The following GFOD1 variants were observed in gnomAD, a reference collection of about 807,000 sequenced individuals.
The protein encoded by GFOD1 is glucose-fructose oxidoreductase domain-containing protein 1.
A neutral mutation model predicts 25.4 loss-of-function variants in GFOD1; 9 were observed. The observed-to-expected ratio is 0.35, with a 90% confidence interval of 0.21 to 0.62. The LOEUF (loss-of-function observed/expected upper bound fraction) is 0.62, where lower values mean the gene tolerates loss of function less well. GFOD1 is among the 20% of genes least tolerant of loss of function. The pLI is 0.72. For synonymous variants in GFOD1, 253 were observed against 245.6 expected (o/e 1.03, Z -0.28); for missense variants, 403 against 556.9 (o/e 0.72, Z 2.78).
intron 1 of GFOD1, among the ~76,000 whole-genome samples, chr6:13,446,244 T>C (rs1758000124): frequency 6.6e-6 from 1 of 152,122 alleles, no homozygotes; most frequent in South Asian, 2.1e-4. Context: ...TGGAATTTGT[T>C]TCAAATCACC....
chr6:13,471,832 C>T (rs1342194967), intron 1 of GFOD1: 1 of 152,372 alleles, frequency 6.6e-6, no homozygotes, highest in African/African-American at 2.4e-5. Flanking sequence ...TTGCATGGTC[C>T]AATATGGTAG....
intron 1 of GFOD1, among the ~76,000 whole-genome samples, chr6:13,388,469 A>G (rs1785518752): frequency 6.6e-6 from 1 of 152,208 alleles, no homozygotes; most frequent in African/African-American, 2.4e-5. Context: ...CACATCTACG[A>G]CCATCTGATC....
chr6:13,443,858 C>T (rs935970388), intron 1 of GFOD1, among the ~76,000 whole-genome samples: 9 of 151,214 alleles, frequency 6.0e-5, no homozygotes, highest in African/African-American at 1.7e-4. Flanking sequence ...CTACCCCAAC[C>T]TTCAGCAACC....
At chr6:13,450,884 G>A (rs1384583504) in intron 1 of GFOD1, among the ~76,000 whole-genome samples, 2 of 152,204 alleles carry the variant, frequency 1.3e-5, no homozygotes. Context: ...GGTCAACTTT[G>A]CAGGCAGGCC....
At chr6:13,463,978 T>C (rs1269059243) in intron 1 of GFOD1, among the ~76,000 whole-genome samples, 2 of 152,004 alleles carry the variant, frequency 1.3e-5, no homozygotes, top group Non-Finnish European at 2.9e-5. Context: ...ACAAACAACA[T>C]ACAACAAAAA....
chr6:13,473,965 T>C (rs1758562326), intron 1 of GFOD1, among the ~76,000 whole-genome samples: 1 of 152,136 alleles, frequency 6.6e-6, no homozygotes, highest in African/African-American at 2.4e-5. Context: ...ACAAAACAAA[T>C]GTGCAGCAGT....
At chr6:13,457,677 T>C (rs907412521) in intron 1 of GFOD1, among the ~76,000 whole-genome samples, 3 of 152,224 alleles carry the variant, frequency 2.0e-5, no homozygotes, top group Non-Finnish European at 4.4e-5. Flanking sequence ...AGCTCTGCAG[T>C]TGGATGTGAT....
At chr6:13,420,453 C>T (rs16874136) in intron 1 of GFOD1, among the ~76,000 whole-genome samples, 5 of 152,132 alleles carry the variant, frequency 3.3e-5, no homozygotes, top group African/African-American at 7.2e-5. Flanking sequence ...CTAGATACAG[C>T]TAGCTTGAGA....
chr6:13,445,899 T>G (rs1562221566), intron 1 of GFOD1, among the ~76,000 whole-genome samples: 2 of 152,180 alleles, frequency 1.3e-5, no homozygotes, highest in South Asian at 4.1e-4. Flanking sequence ...ACAATGTAGG[T>G]CTGATCTTTT....
intron 1 of GFOD1, among the ~76,000 whole-genome samples, chr6:13,379,401 C>G (rs927991601): frequency 2.0e-5 from 3 of 152,162 alleles, no homozygotes; most frequent in Non-Finnish European, 4.4e-5. Context: ...ACCAGGGACA[C>G]CACTCTGGCC....
chr6:13,410,577 G>GGAGAGAGAGAGAGA lies in GFOD1; in HGVS notation c.254-44929_254-44916dup, dbSNP rs10530261. Among the ~76,000 whole-genome samples the GGAGAGAGAGAGAGA allele has an allele frequency of 5.2e-3, 666 of 128,042 alleles. 12 individuals are homozygous for GGAGAGAGAGAGAGA. Among genetic ancestry groups the GGAGAGAGAGAGAGA allele is most frequent in the African/African-American group, 0.012 (323 of 27,764 alleles). 84.0% of individuals were successfully genotyped at this position (128,042 alleles called of 152,430 possible). ...AGCAAAACTCTGTCAAAGAAAGAAA[G>GGAGAGAGAGAGAGA]GAGAGAGAGAGAGAGAGAGAGAGAG... On this transcript the variant is annotated intron_variant, in intron 1 of 1. Coordinates refer to ENST00000379287, the MANE Select transcript of GFOD1 (RefSeq NM_018988.4).
At chr6:13,467,925 C>G (rs1758405692) in intron 1 of GFOD1, among the ~76,000 whole-genome samples, 2 of 152,178 alleles carry the variant, frequency 1.3e-5, no homozygotes, top group African/African-American at 4.8e-5. Context: ...AGGCTAAACT[C>G]ATTTTTGCCC....
At chr6:13,460,180 T>C (rs545985425) in intron 1 of GFOD1, among the ~76,000 whole-genome samples, 1 of 152,208 alleles carries the variant, frequency 6.6e-6, no homozygotes, top group Admixed American at 6.5e-5. Flanking sequence ...CCGGCAAGGC[T>C]GTGGAGAAAT....
chr6:13,416,359 C>T (rs1786162576), intron 1 of GFOD1, among the ~76,000 whole-genome samples: 1 of 152,048 alleles, frequency 6.6e-6, no homozygotes, highest in African/African-American at 2.4e-5. Flanking sequence ...AAGGAAGAAA[C>T]ATCATTTCAG....
At chr6:13,452,144 G>A (rs1244424201) in intron 1 of GFOD1, among the ~76,000 whole-genome samples, 1 of 152,154 alleles carries the variant, frequency 6.6e-6, no homozygotes, top group African/African-American at 2.4e-5. Context: ...CTAAGCCACG[G>A]CTCTGTCTGG....
intron 1 of GFOD1, among the ~76,000 whole-genome samples, chr6:13,375,297 C>G (rs1446711941): frequency 6.6e-6 from 1 of 152,142 alleles, no homozygotes. Context: ...GAGATACACG[C>G]TCCTATTTTT....
chr6:13,390,777 G>GGAAGGAAGGA (rs1195738735), intron 1 of GFOD1, among the ~76,000 whole-genome samples: 3,215 of 75,408 alleles, frequency 0.043, 139 homozygotes, highest in African/African-American at 0.093. Flanking sequence ...GAGAGAGAGA[G>GGAAGGAAGGA]AGAAAGGAAG....
chr6:13,452,167 T>C (rs941998204), intron 1 of GFOD1, among the ~76,000 whole-genome samples: 3 of 151,960 alleles, frequency 2.0e-5, no homozygotes, highest in Non-Finnish European at 4.4e-5. Flanking sequence ...CTCCATGAGA[T>C]CCAATCAAAT....
intron 1 of GFOD1, among the ~76,000 whole-genome samples, chr6:13,422,809 C>T (rs1786283276): frequency 6.6e-6 from 1 of 152,296 alleles, no homozygotes; most frequent in Middle Eastern, 3.4e-3. Context: ...CAAGAATTTT[C>T]TCTTAGTGAA....
Sources: gnomAD v4.1 joint callset for allele counts (sites outside exome capture counted in the v4.1 genomes callset) on GRCh38, gnomAD v4.1.1 for gene constraint, MANE v1.5 for transcripts, NCBI Gene and HGNC (gene_info 2026-07-23, HGNC 2026-07-21) for gene names.